ABL2: variants seen among roughly 807,000 people sequenced by gnomAD.
The protein encoded by ABL2 is ABL proto-oncogene 2, non-receptor tyrosine kinase.
ABL2 carries 49 observed loss-of-function variants against 107.7 expected under a neutral mutation model. The ratio of observed to expected loss-of-function variants is 0.45; its 90% confidence interval spans 0.36 to 0.58. The LOEUF (loss-of-function observed/expected upper bound fraction) is 0.58, where lower values mean the gene tolerates loss of function less well. Among genes scored for constraint, ABL2 ranks in the 20% least tolerant of loss-of-function variants. The pLI is 0.00. For synonymous variants in ABL2, 549 were observed against 548.6 expected, an observed-to-expected ratio of 1.00 and a Z score of -0.01; for missense variants, 1,245 against 1,457.0, an observed-to-expected ratio of 0.85 and a Z score of 2.37.
chr1:179,130,702 A>T (rs1656210592), intron 3 of ABL2, among the ~76,000 whole-genome samples: 1 of 151,514 alleles, frequency 6.6e-6, no homozygotes. Context: ...GAACATGACC[A>T]AATAAAATCA....
At chr1:179,118,482 T>G in intron 7 of ABL2, 105 bp downstream of exon 7, 3 of 1,180,974 alleles carry the variant, frequency 2.5e-6, no homozygotes, top group Non-Finnish European at 3.6e-6. Context: ...CAAAATTACT[T>G]TCTTGAATCA....
In ABL2 at chr1:179,161,771, G is replaced by A. The variant is rs116274694; in HGVS notation, c.158-28397C>T. Among the ~76,000 whole-genome samples, 840 of 152,308 alleles carry A rather than the reference G, an allele frequency of 5.5e-3. 10 individuals carry two copies. The highest frequency in any genetic ancestry group is 0.019 in the African/African-American group (796 of 41,566). On this transcript the variant is annotated intron_variant, in intron 1 of 11. Coordinates refer to ENST00000502732, the MANE Select transcript of ABL2 (RefSeq NM_007314.4). ...CTGAGGTAACATGCTGCTGTGGTTTGAATGTGTCCCCCAAAGTTTGTATGT... is the reference window on the plus strand; with the variant it reads ...CTGAGGTAACATGCTGCTGTGGTTTAAATGTGTCCCCCAAAGTTTGTATGT...
At chr1:179,173,709 C>A (rs530101140) in intron 1 of ABL2, among the ~76,000 whole-genome samples, 25 of 152,178 alleles carry the variant, frequency 1.6e-4, no homozygotes, top group Non-Finnish European at 2.8e-4. Flanking sequence ...CAATACCAAG[C>A]TAATTATTTT....
At chr1:179,124,097 C>T (rs976759902) in intron 4 of ABL2, among the ~76,000 whole-genome samples, 4 of 151,808 alleles carry the variant, frequency 2.6e-5, no homozygotes, top group African/African-American at 9.7e-5. Context: ...AAAAATTAGC[C>T]GGGCGTGGTG....
At chr1:179,184,406 C>T in intron 1 of ABL2, 1 of 949,468 alleles carries the variant, frequency 1.1e-6, no homozygotes. Flanking sequence ...ATAAAGCCAG[C>T]AGGAAGAGGC....
intron 1 of ABL2, among the ~76,000 whole-genome samples, chr1:179,163,344 T>C (rs1218007184): frequency 6.6e-6 from 1 of 152,184 alleles, no homozygotes; most frequent in African/African-American, 2.4e-5. Context: ...GTCAAACACT[T>C]ACCATAGGAC....
intron 1 of ABL2, among the ~76,000 whole-genome samples, chr1:179,215,288 G>C (rs975846326): frequency 5.9e-5 from 9 of 152,154 alleles, no homozygotes; most frequent in Non-Finnish European, 8.8e-5. Flanking sequence ...CTGGGTGTGG[G>C]AAACACCTAT....
intron 1 of ABL2, among the ~76,000 whole-genome samples, chr1:179,207,787 G>A (rs1407583911): frequency 6.6e-6 from 1 of 152,012 alleles, no homozygotes; most frequent in Non-Finnish European, 1.5e-5. Context: ...TTTAACAGAG[G>A]ATCTAAACCC....
chr1:179,181,927 C>T (rs974744260), intron 1 of ABL2, among the ~76,000 whole-genome samples: 1 of 149,032 alleles, frequency 6.7e-6, no homozygotes, highest in East Asian at 2.0e-4. Context: ...ACTATAGTCA[C>T]GTGTCACCAG....
chr1:179,120,321 C>A, intron 5 of ABL2, 47 bp from the exon 6 acceptor site: 1 of 1,228,900 alleles, frequency 8.1e-7, no homozygotes, highest in Non-Finnish European at 1.2e-6. Context: ...AGGGACAAAC[C>A]CTCAACTTAA....
chr1:179,218,397 CTCTTT>C (rs541764350), intron 1 of ABL2, among the ~76,000 whole-genome samples: 3 of 138,466 alleles, frequency 2.2e-5, no homozygotes, highest in Non-Finnish European at 3.2e-5. Context: ...TGATCAAGTA[CTCTTT>C]TCTTTTCTTT....
At chr1:179,139,403 C>G (rs1429510336) in intron 1 of ABL2, among the ~76,000 whole-genome samples, 1 of 152,136 alleles carries the variant, frequency 6.6e-6, no homozygotes, top group African/African-American at 2.4e-5. Context: ...CCGAACACAT[C>G]TGAACATCAG....
chr1:179,160,099 G>T (rs1658971370), intron 1 of ABL2, among the ~76,000 whole-genome samples: 1 of 152,144 alleles, frequency 6.6e-6, no homozygotes, highest in Non-Finnish European at 1.5e-5. Context: ...GGGTGACAGA[G>T]TGAGACTCCA....
At position 179,112,302 on chromosome 1, in the gene ABL2, T is replaced by G; in HGVS notation, c.1651+7A>C. 1.2e-6 allele frequency: 2 copies of G among 1,610,648 alleles called. No homozygotes were observed. The highest frequency in any genetic ancestry group is 1.7e-6 in the Non-Finnish European group (2 of 1,177,054). ...AGTCACCAACAGTAAATCCAACAGA[T>G]TCTCACCTTCAGAAATGCTGGAGTC... On this transcript the variant is annotated splice_region_variant and intron_variant, in intron 10 of 11. Coordinates refer to ENST00000502732, the MANE Select transcript of ABL2 (RefSeq NM_007314.4).
chr1:179,152,150 A>T (rs978819684), intron 1 of ABL2, among the ~76,000 whole-genome samples: 13 of 152,188 alleles, frequency 8.5e-5, no homozygotes, highest in African/African-American at 2.7e-4. Context: ...AACCAGTACC[A>T]AATGTGTGTT....
intron 1 of ABL2, among the ~76,000 whole-genome samples, chr1:179,145,971 A>T (rs1657961718): frequency 6.7e-6 from 1 of 148,722 alleles, no homozygotes; most frequent in Non-Finnish European, 1.5e-5. Context: ...TTGGCTCACT[A>T]CAACCTCCAC....
rs1269333595 is a variant in ABL2 at position 179,106,835 on chromosome 1, A to G, written c.*883T>C. 8.6e-6 allele frequency: 2 copies of G among 231,220 alleles called. No homozygotes were observed. Among genetic ancestry groups the G allele is most frequent in the African/African-American group, 4.4e-5 (2 of 45,212 alleles). The allele number at this position is 231,220 out of a possible 1,614,324, so 14.3% of individuals were successfully genotyped here. On this transcript the variant is annotated 3_prime_UTR_variant, in exon 12 of 12. Coordinates refer to ENST00000502732, the MANE Select transcript of ABL2 (RefSeq NM_007314.4). The stretch of plus-strand genomic sequence containing the variant: ...TTTGTGAGAACCTGTAGGGACTACT[A>G]TTTTCAAAATCAACACTGGTTAATG...
At chr1:179,122,820 AT>A (rs1198223756) in intron 4 of ABL2, among the ~76,000 whole-genome samples, 1 of 151,602 alleles carries the variant, frequency 6.6e-6, no homozygotes, top group Non-Finnish European at 1.5e-5. Flanking sequence ...CGCCTGGCTA[AT>A]TTTTTTCTTT....
intron 1 of ABL2, among the ~76,000 whole-genome samples, chr1:179,227,544 T>A (rs955824696): frequency 7.2e-5 from 11 of 152,212 alleles, no homozygotes; most frequent in African/African-American, 2.4e-4. Context: ...AATAAGATAG[T>A]AAAGCAAGAG....
Sources: allele counts gnomAD v4.1 joint callset (sites outside exome capture counted in the v4.1 genomes callset), GRCh38; gene constraint gnomAD v4.1.1; transcripts MANE v1.5; gene names NCBI Gene and HGNC (gene_info 2026-07-23, HGNC 2026-07-21).